ZC2HC1B: variants seen among roughly 807,000 people sequenced by gnomAD.
The protein encoded by ZC2HC1B is zinc finger C2HC-type containing 1B.
ZC2HC1B carries 36 observed loss-of-function variants against 31.0 expected under a neutral mutation model. That is an observed-to-expected ratio of 1.16 (90% CI 0.89 to 1.54). The LOEUF (loss-of-function observed/expected upper bound fraction) is 1.54. Among genes scored for constraint, ZC2HC1B ranks in the 40% most tolerant of loss-of-function variants. ZC2HC1B has a pLI of 0.00. For missense variants in ZC2HC1B, 260 were observed against 268.6 expected, an observed-to-expected ratio of 0.97 and a Z score of 0.22; for synonymous variants, 73 against 88.0, an observed-to-expected ratio of 0.83 and a Z score of 0.95.
chr6:143,878,717 G>A (rs766830693), intron 1 of ZC2HC1B, among the ~76,000 whole-genome samples: 7 of 136,964 alleles, frequency 5.1e-5, no homozygotes, highest in Non-Finnish European at 9.8e-5. Context: ...TAACAAAAAT[G>A]TTGTGACCAG....
intron 6 of ZC2HC1B, among the ~76,000 whole-genome samples, chr6:143,930,884 G>A (rs1372996746): frequency 6.6e-6 from 1 of 152,178 alleles, no homozygotes; most frequent in East Asian, 1.9e-4. Context: ...TGTCTGTAAG[G>A]TCCATTTGGT....
chr6:143,891,278 G>T (rs943400757), intron 4 of ZC2HC1B, among the ~76,000 whole-genome samples: 1 of 151,982 alleles, frequency 6.6e-6, no homozygotes, highest in African/African-American at 2.4e-5. Context: ...CAGAATAAAT[G>T]ATGAGATTTA....
intron 5 of ZC2HC1B, among the ~76,000 whole-genome samples, chr6:143,901,861 TTGTA>T (rs756270120): frequency 4.1e-4 from 62 of 152,322 alleles, no homozygotes; most frequent in Middle Eastern, 6.8e-3. Context: ...ATGGAAAAGT[TTGTA>T]TGTATAAGTC....
intron 6 of ZC2HC1B, among the ~76,000 whole-genome samples, chr6:143,931,578 A>AT (rs1198518730): frequency 1.3e-5 from 2 of 152,170 alleles, no homozygotes; most frequent in African/African-American, 2.4e-5. Context: ...TCTCTCCTTC[A>AT]TTTATGATGC....
At chr6:143,928,087 T>C (rs909410568) in intron 6 of ZC2HC1B, among the ~76,000 whole-genome samples, 14 of 151,978 alleles carry the variant, frequency 9.2e-5, no homozygotes, top group African/African-American at 2.7e-4. Context: ...TCTGTTCTTG[T>C]CTGTCTATTT....
intron 1 of ZC2HC1B, among the ~76,000 whole-genome samples, chr6:143,877,857 A>C (rs1777425993): frequency 6.6e-6 from 1 of 150,410 alleles, no homozygotes; most frequent in African/African-American, 2.5e-5. Context: ...TTCCCAGAGA[A>C]GTTACATTTT....
In ZC2HC1B at chr6:143,871,592, C is replaced by G. The variant is rs114203187; in HGVS notation, c.28+7025C>G. ...TCCACTCTCATTCTTCCAGATCCAT[C>G]TGTCTTCTGCACAGGCCAAATGGGA... On this transcript the variant is annotated intron_variant, in intron 1 of 7. Coordinates refer to ENST00000237275, the MANE Select transcript of ZC2HC1B (RefSeq NM_001013623.3). This position sits in a 1 kb window ranked among gnomAD's most constrained non-coding sequence, Gnocchi z 4.1. Among the ~76,000 whole-genome samples, 991 of 152,348 alleles carry G rather than the reference C, an allele frequency of 6.5e-3. 8 individuals are homozygous for G. Among genetic ancestry groups the G allele is most frequent in the African/African-American group, 0.021 (873 of 41,574 alleles).
intron 5 of ZC2HC1B, among the ~76,000 whole-genome samples, chr6:143,902,360 C>G (rs929857625): frequency 6.6e-6 from 1 of 152,176 alleles, no homozygotes; most frequent in Non-Finnish European, 1.5e-5. Context: ...ATATAGGCCT[C>G]TAAAAATAGC....
chr6:143,891,023 C>A (rs1019194677), intron 4 of ZC2HC1B, among the ~76,000 whole-genome samples: 3 of 150,350 alleles, frequency 2.0e-5, no homozygotes, highest in Admixed American at 6.6e-5. Flanking sequence ...CCCAGTTACT[C>A]GGGAGGCTGA....
intron 5 of ZC2HC1B, among the ~76,000 whole-genome samples, chr6:143,902,663 TA>T (rs200021824): frequency 6.6e-6 from 1 of 151,890 alleles, no homozygotes; most frequent in East Asian, 1.9e-4. Flanking sequence ...TTGTTCATGT[TA>T]AAAAAAACAA....
Position 143,884,542 on chromosome 6 carries a change from C to A in ZC2HC1B, c.90+177C>A, listed in dbSNP as rs973246340. Among the ~76,000 whole-genome samples, 20 of 152,152 alleles carry A rather than the reference C, an allele frequency of 1.3e-4. 1 individual carries two copies. The highest frequency in any genetic ancestry group is 4.8e-4 in the African/African-American group (20 of 41,444). ...GAACACTGAGGCAGATTGATGCTGC[C>A]TCATTCAAGAGCGACCCTATTAAAC... On this transcript the variant is annotated intron_variant, in intron 2 of 7. Coordinates refer to ENST00000237275, the MANE Select transcript of ZC2HC1B (RefSeq NM_001013623.3). This position sits in a 1 kb window ranked among gnomAD's most constrained non-coding sequence, Gnocchi z 5.1.
At chr6:143,935,806 C>G (rs1778172189) in intron 6 of ZC2HC1B, among the ~76,000 whole-genome samples, 2 of 151,664 alleles carry the variant, frequency 1.3e-5, no homozygotes, top group South Asian at 4.2e-4. Flanking sequence ...AGGCATGTAC[C>G]ACCATACCCA....
chr6:143,867,986 T>C (rs1777287246), intron 1 of ZC2HC1B, among the ~76,000 whole-genome samples: 1 of 152,200 alleles, frequency 6.6e-6, no homozygotes, highest in African/African-American at 2.4e-5. Flanking sequence ...TCTGGAAATA[T>C]ATTCTACTCT....
In ZC2HC1B at chr6:143,886,019, C is replaced by G. The variant is rs1199076812; in HGVS notation, c.91-13C>G. ...CACTTTAGAAATTCCAATCCCTACT[C>G]TTCGTTTTCTAGGAAAGGCATGGAC... On this transcript the variant is annotated splice_polypyrimidine_tract_variant and intron_variant, in intron 2 of 7. Transcript: ENST00000237275. This position sits in a 1 kb window ranked among gnomAD's most constrained non-coding sequence, Gnocchi z 4.2. 2 of 1,514,808 alleles carry G rather than the reference C, an allele frequency of 1.3e-6. No individual in the cohort carries two copies. Among genetic ancestry groups the G allele is most frequent in the African/African-American group, 1.4e-5 (1 of 71,172 alleles). The allele number at this position is 1,514,808 out of a possible 1,614,324, so 93.8% of individuals were successfully genotyped here.
At position 143,934,928 on chromosome 6, in the gene ZC2HC1B, A is replaced by G. The variant is rs913290426; in HGVS notation, c.599-2721A>G. Among the ~76,000 whole-genome samples the G allele has an allele frequency of 6.6e-6, 1 of 152,104 alleles. No homozygotes were observed. Among genetic ancestry groups the G allele is most frequent in the African/African-American group, 2.4e-5 (1 of 41,426 alleles). On this transcript the variant is annotated intron_variant, in intron 6 of 7. Coordinates refer to ENST00000237275, the MANE Select transcript of ZC2HC1B (RefSeq NM_001013623.3). The surrounding 1 kb of genome is among the most constrained non-coding windows in gnomAD (Gnocchi z 4.6). Reference sequence around the variant, plus strand: ...GGCAGACCAATCTTTGGACCTCCAGATGGCTTGCTCAGGTGCCAGCAGTGG... The same window carrying G: ...GGCAGACCAATCTTTGGACCTCCAGGTGGCTTGCTCAGGTGCCAGCAGTGG...
At chr6:143,873,322 G>A (rs965698825) in intron 1 of ZC2HC1B, among the ~76,000 whole-genome samples, 1 of 152,212 alleles carries the variant, frequency 6.6e-6, no homozygotes, top group African/African-American at 2.4e-5. Context: ...GGCTTTGCAG[G>A]GTACAGCCTC....
In ZC2HC1B at chr6:143,924,082, G is replaced by A. The variant is rs904789242; in HGVS notation, c.599-13567G>A. 8.5e-5 allele frequency among the ~76,000 whole-genome samples: 13 copies of A among 152,114 alleles called. No homozygotes were observed. The highest frequency in any genetic ancestry group is 6.5e-4 in the Admixed American group (10 of 15,274). On this transcript the variant is annotated intron_variant, in intron 6 of 7. Coordinates refer to ENST00000237275, the MANE Select transcript of ZC2HC1B (RefSeq NM_001013623.3). The surrounding 1 kb of genome is among the most constrained non-coding windows in gnomAD (Gnocchi z 5.2). Reference sequence around the variant, plus strand: ...AGTAATTCTTCTGAGTCATGAGCATGGGATATCTTTCCATTTGTTTGTGTC... The same window carrying A: ...AGTAATTCTTCTGAGTCATGAGCATAGGATATCTTTCCATTTGTTTGTGTC...
intron 6 of ZC2HC1B, among the ~76,000 whole-genome samples, chr6:143,919,693 T>C (rs1358008192): frequency 2.6e-5 from 4 of 152,222 alleles, no homozygotes; most frequent in Admixed American, 2.0e-4. Context: ...TCCAGGAATA[T>C]GTGCAGAGCT....
intron 5 of ZC2HC1B, among the ~76,000 whole-genome samples, chr6:143,902,346 A>G (rs1187243905): frequency 3.3e-5 from 5 of 152,210 alleles, no homozygotes; most frequent in African/African-American, 1.2e-4. Flanking sequence ...ACCAAAAGAG[A>G]CCAATATAGG....
Sources: gnomAD v4.1 joint callset for allele counts (sites outside exome capture counted in the v4.1 genomes callset) on GRCh38, gnomAD v4.1.1 for gene constraint, Gnocchi (gnomAD v3.1) non-coding constraint, MANE v1.5 for transcripts, NCBI Gene and HGNC (gene_info 2026-07-23, HGNC 2026-07-21) for gene names.